Variants in ANGPT1 observed in about 807,000 individuals in gnomAD.
ANGPT1 encodes angiopoietin-1.
ANGPT1 carries 17 observed loss-of-function variants against 62.2 expected under a neutral mutation model. That is an observed-to-expected ratio of 0.27 (90% CI 0.19 to 0.41). ANGPT1 has a LOEUF of 0.41. Ranked by LOEUF, ANGPT1 falls within the 10% of genes least tolerant of loss-of-function variation. The pLI, the probability that ANGPT1 is intolerant of heterozygous loss-of-function variation, is 1.00. For synonymous variants in ANGPT1, 199 were observed against 198.9 expected, an observed-to-expected ratio of 1.00 and a Z score of 0.00; for missense variants, 478 against 594.9, an observed-to-expected ratio of 0.80 and a Z score of 2.04.
intron 1 of ANGPT1, among the ~76,000 whole-genome samples, chr8:107,400,773 T>C (rs1446614355): frequency 6.6e-6 from 1 of 152,124 alleles, no homozygotes; most frequent in Non-Finnish European, 1.5e-5. Context: ...TTGGTCAGGC[T>C]AGTCTCCAAC....
At chr8:107,449,782 T>G (rs1332914531) in intron 1 of ANGPT1, among the ~76,000 whole-genome samples, 1 of 152,110 alleles carries the variant, frequency 6.6e-6, no homozygotes, top group Non-Finnish European at 1.5e-5. Flanking sequence ...CTTCATTCTT[T>G]ATACGTATTA....
intron 3 of ANGPT1, among the ~76,000 whole-genome samples, chr8:107,335,152 C>T (rs1052990272): frequency 6.6e-6 from 1 of 152,182 alleles, no homozygotes; most frequent in Non-Finnish European, 1.5e-5. Context: ...ATTCCAATTT[C>T]GGCCACTAGC....
At position 107,416,784 on chromosome 8, in the gene ANGPT1, G is replaced by A. The variant is rs192223172; in HGVS notation, c.298-69687C>T. ...TAGGGGTCTTATGACCTACAGACAA[G>A]GTGGGTCAGATAATCTTTTTTTTTT... On this transcript the variant is annotated intron_variant, in intron 1 of 8. Transcript: ENST00000517746. Among the ~76,000 whole-genome samples, 6 of 146,890 alleles carry A rather than the reference G, an allele frequency of 4.1e-5. No homozygotes were observed. The Admixed American group carries it at 4.2e-4, about 10-fold the overall frequency.
chr8:107,351,003 T>C (rs561512200), intron 1 of ANGPT1, among the ~76,000 whole-genome samples: 8 of 152,192 alleles, frequency 5.3e-5, no homozygotes, highest in African/African-American at 1.9e-4. Context: ...TTAAAATATG[T>C]TTACAGAAAA....
chr8:107,369,926 C>T (rs568382959), intron 1 of ANGPT1, among the ~76,000 whole-genome samples: 2 of 152,046 alleles, frequency 1.3e-5, no homozygotes, highest in South Asian at 4.2e-4. Flanking sequence ...TTGCTTGAGC[C>T]CAGGAGTTGA....
At chr8:107,474,021 G>C (rs1046207715) in intron 1 of ANGPT1, among the ~76,000 whole-genome samples, 2 of 152,090 alleles carry the variant, frequency 1.3e-5, no homozygotes, top group Non-Finnish European at 2.9e-5. Context: ...AGGAGGAGCT[G>C]GGACCATTCC....
intron 1 of ANGPT1, among the ~76,000 whole-genome samples, chr8:107,356,281 A>G (rs1816043239): frequency 6.6e-6 from 1 of 152,226 alleles, no homozygotes; most frequent in South Asian, 2.1e-4. Context: ...CATGAAACAC[A>G]TTGAAAACTA....
intron 1 of ANGPT1, among the ~76,000 whole-genome samples, chr8:107,400,521 G>A (rs1347738317): frequency 6.6e-6 from 1 of 151,882 alleles, no homozygotes; most frequent in East Asian, 1.9e-4. Flanking sequence ...TTCCTCAGCA[G>A]GCAGCAGTAT....
intron 1 of ANGPT1, among the ~76,000 whole-genome samples, chr8:107,400,742 T>C (rs1817030763): frequency 6.6e-6 from 1 of 152,000 alleles, no homozygotes; most frequent in East Asian, 1.9e-4. Flanking sequence ...GTATTTTTAG[T>C]AAAGACGGGT....
chr8:107,408,903 T>C (rs371834548), intron 1 of ANGPT1, among the ~76,000 whole-genome samples: 126 of 152,330 alleles, frequency 8.3e-4, no homozygotes, highest in African/African-American at 2.9e-3. Flanking sequence ...AATGAGGACA[T>C]GAGACACTAT....
chr8:107,266,742 A>C (rs1813622969), intron 7 of ANGPT1, among the ~76,000 whole-genome samples: 1 of 152,124 alleles, frequency 6.6e-6, no homozygotes, highest in South Asian at 2.1e-4. Flanking sequence ...GGATGTAATG[A>C]TTTTCTATAG....
At chr8:107,460,524 A>G (rs1812041512) in intron 1 of ANGPT1, among the ~76,000 whole-genome samples, 1 of 152,150 alleles carries the variant, frequency 6.6e-6, no homozygotes, top group African/African-American at 2.4e-5. Flanking sequence ...GCATGAATGA[A>G]CAACTCCAGA....
chr8:107,251,923 G>A lies in ANGPT1; in HGVS notation c.1429C>T (p.His477Tyr), dbSNP rs1260873818. 1 of 1,613,816 alleles carries A rather than the reference G, an allele frequency of 6.2e-7. No individual in the cohort carries two copies. The highest frequency in any genetic ancestry group is 1.3e-5 in the African/African-American group (1 of 74,874). ...NHGKLNGIKW[H>Y]YFKGPSYSLR... ...GAGTAACTGGGCCCTTTGAAGTAGTGCCACTTTATCCCATTCAGTTTTCCA... is the reference window on the plus strand; with the variant it reads ...GAGTAACTGGGCCCTTTGAAGTAGTACCACTTTATCCCATTCAGTTTTCCA... The change falls in exon 9 of 9, where the codon CAC (histidine) becomes TAC (tyrosine). Residue 477 changes from histidine (H) to tyrosine (Y), a missense_variant. This residue lies in a region of ANGPT1 where 35 missense variants were observed against 49.6 expected (regional missense o/e 0.71). Transcript: ENST00000517746.
Position 107,497,639 on chromosome 8 carries a change from A to G in ANGPT1, c.-81T>C. The G allele has an allele frequency of 2.2e-6, 3 of 1,393,188 alleles. No homozygotes were observed. The highest frequency in any genetic ancestry group is 1.5e-5 in the South Asian group (1 of 65,974). The allele number at this position is 1,393,188 out of a possible 1,614,324, so 86.3% of individuals were successfully genotyped here. Reference sequence around the variant, plus strand: ...ACCTCTAAAACTAGTTCTTTATTTCAGGTAAAACTGCTTGTTTGTTTGACT... The same window carrying G: ...ACCTCTAAAACTAGTTCTTTATTTCGGGTAAAACTGCTTGTTTGTTTGACT... On this transcript the variant is annotated 5_prime_UTR_variant, in exon 1 of 9. Coordinates refer to ENST00000517746, the MANE Select transcript of ANGPT1 (RefSeq NM_001146.5).
At chr8:107,432,179 AGAG>A (rs1250666117) in intron 1 of ANGPT1, among the ~76,000 whole-genome samples, 1 of 152,100 alleles carries the variant, frequency 6.6e-6, no homozygotes, top group Non-Finnish European at 1.5e-5. Flanking sequence ...TCTTTTAAAA[AGAG>A]AATACTTCAC....
chr8:107,443,696 G>T (rs1042185293), intron 1 of ANGPT1, among the ~76,000 whole-genome samples: 3 of 151,328 alleles, frequency 2.0e-5, no homozygotes, highest in Non-Finnish European at 4.4e-5. Context: ...GCGCATGGCT[G>T]TAATTCCAGC....
intron 1 of ANGPT1, among the ~76,000 whole-genome samples, chr8:107,456,179 C>T (rs1303189263): frequency 2.0e-5 from 3 of 152,074 alleles, no homozygotes; most frequent in Non-Finnish European, 4.4e-5. Flanking sequence ...GTCAACCAAA[C>T]ATGATTTGGT....
At chr8:107,335,391 A>G (rs376049731) in intron 3 of ANGPT1, among the ~76,000 whole-genome samples, 3 of 152,338 alleles carry the variant, frequency 2.0e-5, no homozygotes, top group East Asian at 3.9e-4. Context: ...GATACCCCGA[A>G]GAAAAATCAA....
intron 4 of ANGPT1, among the ~76,000 whole-genome samples, chr8:107,319,111 G>GT (rs1304939654): frequency 1.3e-5 from 2 of 152,146 alleles, no homozygotes; most frequent in Non-Finnish European, 2.9e-5. Flanking sequence ...AGAAACTAAA[G>GT]TTTAATGAAT....
Sources: gnomAD v4.1 joint callset for allele counts (sites outside exome capture counted in the v4.1 genomes callset) on GRCh38, gnomAD v4.1.1 for gene constraint, gnomAD v4.1.1 regional missense constraint, MANE v1.5 for transcripts, NCBI Gene and HGNC (gene_info 2026-07-23, HGNC 2026-07-21) for gene names.